Variants in TBC1D15 observed in about 807,000 individuals in gnomAD.
TBC1D15 encodes TBC1 domain family member 15, also known as GAP for RAB7.
A neutral mutation model predicts 95.4 loss-of-function variants in TBC1D15; 39 were observed. The ratio of observed to expected loss-of-function variants is 0.41; its 90% CI spans 0.32 to 0.53. The LOEUF is 0.53. Ranked by LOEUF, TBC1D15 falls within the 20% of genes least tolerant of loss-of-function variation. TBC1D15 has a pLI of 0.29. For synonymous variants in TBC1D15, 258 were observed against 261.3 expected (o/e 0.99, Z 0.12); for missense variants, 733 against 794.3 (o/e 0.92, Z 0.93).
At chr12:71,880,242 A>AT (rs1166940875) in intron 3 of TBC1D15, among the ~76,000 whole-genome samples, 2 of 150,786 alleles carry the variant, frequency 1.3e-5, no homozygotes, top group African/African-American at 4.9e-5. Context: ...TTCTGCTTAT[A>AT]TTTCATTGGC....
At chr12:71,875,382 T>G (rs1042567307) in intron 3 of TBC1D15, among the ~76,000 whole-genome samples, 6 of 152,182 alleles carry the variant, frequency 3.9e-5, no homozygotes, top group Admixed American at 2.6e-4. Flanking sequence ...TTAATTTTCA[T>G]GAAGTCAAGT....
At chr12:71,889,606 A>G (rs1032741830) in intron 5 of TBC1D15, among the ~76,000 whole-genome samples, 2 of 152,240 alleles carry the variant, frequency 1.3e-5, no homozygotes, top group East Asian at 1.9e-4. Context: ...CCAAATTTAT[A>G]TAAGCCATCC....
chr12:71,917,384 T>C (rs1219742949), intron 12 of TBC1D15, among the ~76,000 whole-genome samples: 1 of 152,230 alleles, frequency 6.6e-6, no homozygotes, highest in African/African-American at 2.4e-5. Flanking sequence ...CCCAAATGTG[T>C]GTTTCTTTCA....
intron 3 of TBC1D15, among the ~76,000 whole-genome samples, chr12:71,879,692 CTA>C (rs1453366750): frequency 7.4e-6 from 1 of 134,882 alleles, no homozygotes; most frequent in Non-Finnish European, 1.7e-5. Flanking sequence ...GGACATCTTT[CTA>C]TGTTTATTAC....
chr12:71,881,770 A>G (rs1409902752), intron 4 of TBC1D15, among the ~76,000 whole-genome samples: 3 of 151,794 alleles, frequency 2.0e-5, no homozygotes, highest in African/African-American at 7.3e-5. Flanking sequence ...CAAAAAAATT[A>G]GCCGGGCGTG....
intron 1 of TBC1D15, among the ~76,000 whole-genome samples, chr12:71,864,595 C>T (rs1891091377): frequency 6.6e-6 from 1 of 151,686 alleles, no homozygotes. Flanking sequence ...GTAATCTCTG[C>T]CTCCTGGGTT....
chr12:71,883,587 C>T (rs962364447), intron 4 of TBC1D15, among the ~76,000 whole-genome samples: 5 of 152,020 alleles, frequency 3.3e-5, no homozygotes, highest in African/African-American at 9.7e-5. Context: ...GCAGATAGGA[C>T]GGTGATACAT....
At chr12:71,861,754 A>T (rs1031352703) in intron 1 of TBC1D15, among the ~76,000 whole-genome samples, 7 of 134,848 alleles carry the variant, frequency 5.2e-5, no homozygotes, top group South Asian at 2.3e-4. Flanking sequence ...TTGTTTTTCT[A>T]GTTCCTTGAC....
intron 5 of TBC1D15, among the ~76,000 whole-genome samples, chr12:71,887,369 A>T (rs1278759161): frequency 6.6e-6 from 1 of 152,196 alleles, no homozygotes; most frequent in Non-Finnish European, 1.5e-5. Flanking sequence ...TCATTGAAGG[A>T]TGTGGTTTAA....
At chr12:71,850,984 CAAAAAAAAAAAAAA>C (rs1206992856) in intron 1 of TBC1D15, among the ~76,000 whole-genome samples, 1 of 46,956 alleles carries the variant, frequency 2.1e-5, no homozygotes, top group Admixed American at 2.6e-4. Flanking sequence ...CACTCCATCT[CAAAAAAAAAAAAAA>C]AAAAAAAAAA....
At position 71,894,673 on chromosome 12, in the gene TBC1D15, T is replaced by C. The variant is rs73140670; in HGVS notation, c.658-13T>C. 56,583 of 1,599,616 alleles carry C rather than the reference T, an allele frequency of 0.035. 1,150 individuals are homozygous for C. The highest frequency in any genetic ancestry group is 0.042 in the Non-Finnish European group (49,045 of 1,173,626). On this transcript the variant is annotated splice_polypyrimidine_tract_variant and intron_variant, in intron 6 of 16. Coordinates refer to ENST00000485960, the MANE Select transcript of TBC1D15 (RefSeq NM_001146213.3). The stretch of plus-strand genomic sequence containing the variant: ...GAGTTAATAATGCTAATATTTTTCT[T>C]CCTACTGCATAGAAAATTAAAAAGG...
chr12:71,910,893 C>T (rs1902087254), intron 11 of TBC1D15, among the ~76,000 whole-genome samples: 1 of 152,118 alleles, frequency 6.6e-6, no homozygotes, highest in Admixed American at 6.5e-5. Context: ...GGGCTGATAT[C>T]CAGAATCTAC....
At chr12:71,922,336 C>T (rs932563769) in intron 16 of TBC1D15, among the ~76,000 whole-genome samples, 7 of 151,970 alleles carry the variant, frequency 4.6e-5, no homozygotes, top group Non-Finnish European at 2.9e-5. Context: ...CCACCCACCT[C>T]GGCCTCACAA....
At chr12:71,880,741 A>C in intron 4 of TBC1D15, 134 bp downstream of exon 4, 1,114 of 972,330 alleles carry the variant, frequency 1.1e-3, no homozygotes, top group Non-Finnish European at 1.4e-3. Flanking sequence ...TATAAATCTC[A>C]TATTTTAGTT....
At chr12:71,865,327 A>T (rs1891259782) in intron 1 of TBC1D15, among the ~76,000 whole-genome samples, 1 of 152,156 alleles carries the variant, frequency 6.6e-6, no homozygotes, top group Non-Finnish European at 1.5e-5. Flanking sequence ...ACTGGAGGGC[A>T]GGGCACAACA....
intron 4 of TBC1D15, among the ~76,000 whole-genome samples, chr12:71,884,261 G>A (rs1280716698): frequency 6.6e-6 from 1 of 152,034 alleles, no homozygotes; most frequent in Non-Finnish European, 1.5e-5. Flanking sequence ...TTTTTGTTTT[G>A]TTTTTTGACT....
At chr12:71,894,578 G>A (rs1423224258) in intron 6 of TBC1D15, 108 bp from the exon 7 acceptor site, 3 of 1,139,640 alleles carry the variant, frequency 2.6e-6, no homozygotes, top group Non-Finnish European at 3.7e-6. Flanking sequence ...CTCTGTTTTA[G>A]TCCTGATTTC....
chr12:71,914,952 T>C (rs7294969), intron 12 of TBC1D15, among the ~76,000 whole-genome samples: 59,986 of 151,818 alleles, frequency 0.4, 14,052 homozygotes, highest in African/African-American at 0.64. Context: ...AACTTGTTTT[T>C]GCTTCTTTCA....
chr12:71,901,937 A>G (rs1292356870), intron 10 of TBC1D15, among the ~76,000 whole-genome samples: 1 of 152,194 alleles, frequency 6.6e-6, no homozygotes, highest in East Asian at 1.9e-4. Flanking sequence ...GCATTGGTAT[A>G]CACCAACAAC....
Sources: allele counts gnomAD v4.1 joint callset (sites outside exome capture counted in the v4.1 genomes callset), GRCh38; gene constraint gnomAD v4.1.1; transcripts MANE v1.5; gene names NCBI Gene and HGNC (gene_info 2026-07-23, HGNC 2026-07-21).